The following DOCK4 variants were observed in gnomAD, a reference collection of about 807,000 sequenced individuals.
DOCK4 encodes the protein dedicator of cytokinesis protein 4.
DOCK4 carries 97 observed loss-of-function variants against 268.1 expected under a neutral mutation model. That is an observed-to-expected ratio of 0.36 (90% confidence interval 0.31 to 0.43). The LOEUF (loss-of-function observed/expected upper bound fraction) is 0.43, where lower values mean the gene tolerates loss of function less well. Among genes scored for constraint, DOCK4 ranks in the 20% least tolerant of loss-of-function variants. The probability of loss-of-function intolerance (pLI) is 1.00; values close to 1 mark genes in which losing one functional copy is unlikely to be tolerated. For missense variants in DOCK4, 2,145 were observed against 2,455.7 expected, an observed-to-expected ratio of 0.87 and a Z score of 2.67; for synonymous variants, 954 against 887.2, an observed-to-expected ratio of 1.08 and a Z score of -1.34.
At chr7:112,025,214 A>G (rs1802675544) in intron 1 of DOCK4, among the ~76,000 whole-genome samples, 1 of 152,080 alleles carries the variant, frequency 6.6e-6, no homozygotes, top group Non-Finnish European at 1.5e-5. Flanking sequence ...AGTGATGAAT[A>G]ATAATAATAA....
chr7:111,933,129 CGTATATACACAT>C lies in DOCK4; in HGVS notation c.1066+2399_1066+2410del, dbSNP rs1298489501. Among the ~76,000 whole-genome samples, 348 of 126,714 alleles carry C rather than the reference CGTATATACACAT, an allele frequency of 2.7e-3. 10 individuals carry two copies. The highest frequency in any genetic ancestry group is 0.01 in the African/African-American group (321 of 31,436). 83.1% of individuals were successfully genotyped at this position (126,714 alleles called of 152,430 possible). A position where few individuals can be genotyped will look rare whatever the true frequency, so the allele number is the denominator to read the frequency against. ...ATATACGTATATACACATATATATA[CGTATATACACAT>C]ATATATACGTATATACACATATATA... On this transcript the variant is annotated intron_variant, in intron 12 of 52. Transcript: ENST00000428084.
At chr7:112,004,027 G>T in intron 2 of DOCK4, 21 bp downstream of exon 2, 2 of 1,565,670 alleles carry the variant, frequency 1.3e-6, no homozygotes, top group Non-Finnish European at 8.7e-7. Context: ...TGTTGAGGAG[G>T]TTGTTCATAA....
At chr7:111,814,663 T>G (rs1308183938) in intron 27 of DOCK4, among the ~76,000 whole-genome samples, 1 of 152,194 alleles carries the variant, frequency 6.6e-6, no homozygotes. Flanking sequence ...GTGGCCAGAA[T>G]CAGAAATATT....
chr7:111,910,255 C>T (rs1218860819), intron 13 of DOCK4, among the ~76,000 whole-genome samples: 3 of 152,216 alleles, frequency 2.0e-5, no homozygotes, highest in African/African-American at 7.2e-5. Context: ...ATTCCTGATA[C>T]ATCAGCCAGC....
intron 1 of DOCK4, among the ~76,000 whole-genome samples, chr7:112,110,034 G>A (rs186860844): frequency 1.3e-5 from 2 of 151,980 alleles, no homozygotes; most frequent in African/African-American, 4.8e-5. Context: ...GTGAGCCACC[G>A]CGCCCGGCCG....
intron 1 of DOCK4, among the ~76,000 whole-genome samples, chr7:112,022,565 C>G (rs1012785608): frequency 6.6e-6 from 1 of 152,172 alleles, no homozygotes; most frequent in African/African-American, 2.4e-5. Context: ...AGCTATTAAC[C>G]GTGCTGTGCT....
Position 111,816,602 on chromosome 7 carries a change from TG to T in DOCK4, c.2931-4654del, listed in dbSNP as rs532626687. On this transcript the variant is annotated intron_variant, in intron 27 of 52. Coordinates refer to ENST00000428084, the MANE Select transcript of DOCK4 (RefSeq NM_001363540.2). ...TTATTTTGAGGACTGGTGTTACACA[TG>T]GAAGAGAAGACAAGGAAGGGCTGGA... 3.3e-3 allele frequency among the ~76,000 whole-genome samples: 497 copies of T among 152,262 alleles called. 4 individuals are homozygous for T. The highest frequency in any genetic ancestry group is 0.011 in the African/African-American group (468 of 41,564).
intron 23 of DOCK4, 119 bp from the exon 24 acceptor site, chr7:111,847,245 A>G: frequency 7.9e-7 from 1 of 1,262,086 alleles, no homozygotes; most frequent in Non-Finnish European, 1.1e-6. Flanking sequence ...ATGTAGTTAC[A>G]AAGGTATTAG....
intron 1 of DOCK4, among the ~76,000 whole-genome samples, chr7:112,129,053 T>C (rs977285868): frequency 2.6e-5 from 4 of 152,222 alleles, no homozygotes; most frequent in African/African-American, 9.7e-5. Context: ...CTTGGGTGTT[T>C]ATCCCAGAGA....
chr7:111,917,083 G>A (rs1405645084), intron 12 of DOCK4, among the ~76,000 whole-genome samples: 1 of 148,974 alleles, frequency 6.7e-6, no homozygotes, highest in Admixed American at 6.7e-5. Context: ...CGCCTCCCGG[G>A]TTCAAGCAAT....
chr7:112,007,782 T>C (rs1028397438), intron 1 of DOCK4, among the ~76,000 whole-genome samples: 1 of 152,234 alleles, frequency 6.6e-6, no homozygotes, highest in East Asian at 1.9e-4. Context: ...GAAGCTTCAA[T>C]ATGCAATTCT....
intron 1 of DOCK4, among the ~76,000 whole-genome samples, chr7:112,027,516 T>C (rs534759616): frequency 6.6e-6 from 1 of 152,336 alleles, no homozygotes; most frequent in South Asian, 2.1e-4. Context: ...TGAACCACCA[T>C]GCCCAGTCCT....
intron 1 of DOCK4, among the ~76,000 whole-genome samples, chr7:112,094,358 T>C (rs137939582): frequency 0.023 from 3,465 of 152,270 alleles, 52 homozygotes; most frequent in Middle Eastern, 0.054. Context: ...GCCCATTCCT[T>C]CCCAAATGAT....
chr7:112,190,572 A>C (rs1180622852), intron 1 of DOCK4, among the ~76,000 whole-genome samples: 1 of 152,076 alleles, frequency 6.6e-6, no homozygotes, highest in Admixed American at 6.5e-5. Context: ...AGCGTATGAG[A>C]GAAAGAATTG....
At chr7:111,808,729 G>T in intron 30 of DOCK4, 92 bp downstream of exon 30, 2 of 1,280,122 alleles carry the variant, frequency 1.6e-6, no homozygotes, top group East Asian at 2.5e-5. Flanking sequence ...GTTTCACATG[G>T]TGTCACTGGT....
chr7:112,105,707 G>A (rs1335751111), intron 1 of DOCK4, among the ~76,000 whole-genome samples: 1 of 120,550 alleles, frequency 8.3e-6, no homozygotes, highest in Non-Finnish European at 1.6e-5. Flanking sequence ...TTTTTTCTTC[G>A]AGGCAGCGTC....
intron 1 of DOCK4, among the ~76,000 whole-genome samples, chr7:112,008,355 A>C (rs1562986510): frequency 6.6e-6 from 1 of 152,232 alleles, no homozygotes; most frequent in Non-Finnish European, 1.5e-5. Context: ...AGCTGAAAAC[A>C]CTAAATTCAT....
intron 1 of DOCK4, among the ~76,000 whole-genome samples, chr7:112,036,296 GA>G: frequency 6.6e-6 from 1 of 152,200 alleles, no homozygotes; most frequent in Non-Finnish European, 1.5e-5. Flanking sequence ...ATCAGACATG[GA>G]AAAACTGTGG....
chr7:111,974,287 A>C (rs1797961467), intron 8 of DOCK4, among the ~76,000 whole-genome samples: 2 of 152,176 alleles, frequency 1.3e-5, no homozygotes, highest in South Asian at 4.1e-4. Flanking sequence ...AGAAACACCA[A>C]GAAGATAAAT....
Sources: allele counts gnomAD v4.1 joint callset (sites outside exome capture counted in the v4.1 genomes callset), GRCh38; gene constraint gnomAD v4.1.1; transcripts MANE v1.5; gene names NCBI Gene and HGNC (gene_info 2026-07-23, HGNC 2026-07-21).